TM9SF2: variants seen among roughly 807,000 people sequenced by gnomAD.
The protein encoded by TM9SF2 is 76 kDa membrane protein.
TM9SF2 carries 13 observed loss-of-function variants against 84.9 expected under a neutral mutation model. That is an observed-to-expected ratio of 0.15 (90% CI 0.10 to 0.24). TM9SF2 has a LOEUF of 0.24. Among genes scored for constraint, TM9SF2 ranks in the 10% least tolerant of loss-of-function variants. TM9SF2 has a pLI of 1.00. For synonymous variants in TM9SF2, 273 were observed against 285.8 expected (o/e 0.96, Z 0.45); for missense variants, 562 against 818.5 (o/e 0.69, Z 3.82).
Position 99,508,142 on chromosome 13 carries a change from G to T in TM9SF2, c.171+6365G>T, listed in dbSNP as rs549224822. Among the ~76,000 whole-genome samples the T allele has an allele frequency of 5.3e-5, 8 of 152,264 alleles. No individual in the cohort carries two copies. In the East Asian group the frequency reaches 1.5e-3, roughly 29 times the overall value. On this transcript the variant is annotated intron_variant, in intron 1 of 16. Transcript: ENST00000376387. The stretch of plus-strand genomic sequence containing the variant: ...ATAGTACAGGATTGTAATCAGTCTT[G>T]CTTTCTCTAAGTGACATAGGATTCT...
intron 10 of TM9SF2, among the ~76,000 whole-genome samples, chr13:99,546,760 C>T (rs756748043): frequency 6.6e-6 from 1 of 152,132 alleles, no homozygotes; most frequent in Non-Finnish European, 1.5e-5. Context: ...TCATTCTGGA[C>T]TCTGAGAAGA....
chr13:99,561,273 A>G (rs1165813192), intron 16 of TM9SF2, among the ~76,000 whole-genome samples: 1 of 152,256 alleles, frequency 6.6e-6, no homozygotes, highest in African/African-American at 2.4e-5. Context: ...TTTACAAAAC[A>G]GAAGTAATTA....
intron 6 of TM9SF2, among the ~76,000 whole-genome samples, chr13:99,538,172 G>T (rs762885900): frequency 2.6e-5 from 4 of 152,152 alleles, no homozygotes; most frequent in Non-Finnish European, 2.9e-5. Flanking sequence ...GGTCCCCTTC[G>T]TGGTGGAAAG....
chr13:99,553,169 C>T (rs1401896165), intron 13 of TM9SF2, among the ~76,000 whole-genome samples: 6 of 152,192 alleles, frequency 3.9e-5, no homozygotes, highest in Non-Finnish European at 7.3e-5. Flanking sequence ...TCATCAGTAT[C>T]CTTCTCTAAC....
At chr13:99,541,000 G>A (rs970402069) in intron 8 of TM9SF2, among the ~76,000 whole-genome samples, 4 of 152,220 alleles carry the variant, frequency 2.6e-5, no homozygotes, top group African/African-American at 9.6e-5. Flanking sequence ...CCCACCTTAT[G>A]GGATTGTTGT....
intron 6 of TM9SF2, among the ~76,000 whole-genome samples, chr13:99,538,662 T>C (rs970996410): frequency 6.6e-6 from 1 of 151,576 alleles, no homozygotes; most frequent in Non-Finnish European, 1.5e-5. Flanking sequence ...CATGGTGGCA[T>C]GTGCCTGTAG....
At position 99,554,326 on chromosome 13, in the gene TM9SF2, CCAAT is replaced by C; in HGVS notation, c.1514_1517del (p.Asn505ArgfsTer38). Reference sequence around the variant, plus strand: ...AAGGCCATTGAACACCCAGTTCGAACCAATCAGATTCCACGTCAGATTCCTGAAC... The same window carrying C: ...AAGGCCATTGAACACCCAGTTCGAACCAGATTCCACGTCAGATTCCTGAAC... On this transcript the variant is annotated frameshift_variant, in exon 14 of 17. Transcript: ENST00000376387. LOFTEE classifies it high-confidence loss of function. 6.2e-7 allele frequency: 1 copy of C among 1,613,782 alleles called. No homozygotes were observed. The highest frequency in any genetic ancestry group is 8.5e-7 in the Non-Finnish European group (1 of 1,179,852).
chr13:99,524,095 C>T (rs187718637), intron 3 of TM9SF2, among the ~76,000 whole-genome samples: 3 of 152,272 alleles, frequency 2.0e-5, no homozygotes, highest in African/African-American at 7.2e-5. Context: ...TATAGAATGA[C>T]TCAGAGGCCA....
intron 8 of TM9SF2, among the ~76,000 whole-genome samples, chr13:99,541,289 C>T (rs968066646): frequency 6.6e-5 from 10 of 152,122 alleles, no homozygotes; most frequent in African/African-American, 2.4e-4. Context: ...GATTTGGGCA[C>T]AGTAGTTATT....
chr13:99,501,901 C>A, intron 1 of TM9SF2, 124 bp downstream of exon 1: 2 of 1,369,586 alleles, frequency 1.5e-6, no homozygotes, highest in South Asian at 2.7e-5. Context: ...GTTGAGTTTC[C>A]CCAGAAGCTT....
chr13:99,512,883 G>T (rs9585106), intron 1 of TM9SF2, among the ~76,000 whole-genome samples: 1 of 152,106 alleles, frequency 6.6e-6, no homozygotes, highest in Non-Finnish European at 1.5e-5. Flanking sequence ...GCTAATTTGG[G>T]TTTTAAATTT....
At chr13:99,549,762 A>C (rs997490339) in intron 12 of TM9SF2, among the ~76,000 whole-genome samples, 1 of 152,158 alleles carries the variant, frequency 6.6e-6, no homozygotes, top group Non-Finnish European at 1.5e-5. Context: ...AGCAAAACCC[A>C]CTTCCTCCCA....
At chr13:99,542,215 C>T (rs1398543751) in intron 9 of TM9SF2, among the ~76,000 whole-genome samples, 1 of 151,886 alleles carries the variant, frequency 6.6e-6, no homozygotes, top group Non-Finnish European at 1.5e-5. Context: ...TTCACAGCCT[C>T]CTGTGTGGGA....
At chr13:99,540,966 C>G (rs763886517) in intron 8 of TM9SF2, among the ~76,000 whole-genome samples, 173 bp downstream of exon 8, 1 of 152,226 alleles carries the variant, frequency 6.6e-6, no homozygotes, top group Non-Finnish European at 1.5e-5. Flanking sequence ...AATTTCTCAG[C>G]GTCTGTTTCT....
chr13:99,551,379 A>G (rs2046305022), intron 12 of TM9SF2, among the ~76,000 whole-genome samples: 1 of 152,236 alleles, frequency 6.6e-6, no homozygotes, highest in South Asian at 2.1e-4. Context: ...GAACTGTTAG[A>G]TAAGTGATGC....
At chr13:99,507,733 C>T (rs2046094596) in intron 1 of TM9SF2, among the ~76,000 whole-genome samples, 2 of 152,122 alleles carry the variant, frequency 1.3e-5, no homozygotes, top group African/African-American at 4.8e-5. Context: ...TTGAAGCTTC[C>T]ATAGATTTCC....
Position 99,528,503 on chromosome 13 carries a change from A to C in TM9SF2, c.334-964A>C, listed in dbSNP as rs146818182. ...AACACACAGGTTGACTCACCTAATG[A>C]AGTGAGCACTGGATTGAGGTGTCAG... On this transcript the variant is annotated intron_variant, in intron 3 of 16. Transcript: ENST00000376387. 2.2e-4 allele frequency among the ~76,000 whole-genome samples: 34 copies of C among 152,340 alleles called. 1 individual carries two copies. The East Asian group carries it at 6.0e-3, about 27-fold the overall frequency.
At chr13:99,541,435 A>G in intron 8 of TM9SF2, 124 bp from the exon 9 acceptor site, 1 of 631,984 alleles carries the variant, frequency 1.6e-6, no homozygotes, top group Non-Finnish European at 2.7e-6. Flanking sequence ...GTTGGATTTC[A>G]GATAGCTTTC....
intron 15 of TM9SF2, among the ~76,000 whole-genome samples, chr13:99,556,278 T>TG (rs1761052188): frequency 1.3e-5 from 2 of 152,174 alleles, no homozygotes; most frequent in Non-Finnish European, 1.5e-5. Context: ...CATTTTGAAG[T>TG]GGACAGTTTA....
Sources: allele counts gnomAD v4.1 joint callset (sites outside exome capture counted in the v4.1 genomes callset), GRCh38; gene constraint gnomAD v4.1.1; transcripts MANE v1.5; gene names NCBI Gene and HGNC (gene_info 2026-07-23, HGNC 2026-07-21).